FLNB: variants seen among roughly 807,000 people sequenced by gnomAD.
The protein encoded by FLNB is filamin B.
A neutral mutation model predicts 250.6 loss-of-function variants in FLNB; 111 were observed. That is an observed-to-expected ratio of 0.44 (90% CI 0.38 to 0.52). FLNB has a LOEUF of 0.52. Among genes scored for constraint, FLNB ranks in the 20% least tolerant of loss-of-function variants. The probability of loss-of-function intolerance (pLI) is 0.00; values close to 1 mark genes in which losing one functional copy is unlikely to be tolerated. For synonymous variants in FLNB, 1,302 were observed against 1,372.1 expected (o/e 0.95, Z 1.13); for missense variants, 2,869 against 3,447.8 (o/e 0.83, Z 4.20).
chr3:58,104,137 C>T (rs756897733), intron 10 of FLNB, 52 bp downstream of exon 10: 13 of 1,598,384 alleles, frequency 8.1e-6, no homozygotes, highest in East Asian at 6.8e-5. Context: ...CGGCCCAGGG[C>T]GGACTCATGG....
chr3:58,019,842 A>G (rs2097111099), intron 1 of FLNB, among the ~76,000 whole-genome samples: 1 of 152,200 alleles, frequency 6.6e-6, no homozygotes, highest in Non-Finnish European at 1.5e-5. Flanking sequence ...TTTTGGAGAC[A>G]TTGCTCCAGT....
chr3:58,027,449 C>CT (rs1169197071), intron 1 of FLNB, among the ~76,000 whole-genome samples: 1 of 151,874 alleles, frequency 6.6e-6, no homozygotes, highest in East Asian at 1.9e-4. Flanking sequence ...CCTCAGCTAA[C>CT]TTTTGTATTT....
At chr3:58,151,970 G>A (rs1055631110) in intron 38 of FLNB, among the ~76,000 whole-genome samples, 1 of 152,246 alleles carries the variant, frequency 6.6e-6, no homozygotes, top group African/African-American at 2.4e-5. Flanking sequence ...TCAGTGTTCA[G>A]TTTCATATCT....
chr3:58,093,596 C>A (rs911374566), intron 4 of FLNB, among the ~76,000 whole-genome samples: 1 of 150,824 alleles, frequency 6.6e-6, no homozygotes, highest in Non-Finnish European at 1.5e-5. Flanking sequence ...GGGGCAGAGA[C>A]CTATATATAT....
intron 42 of FLNB, chr3:58,162,939 A>G (rs1005894293): frequency 8.4e-6 from 5 of 596,868 alleles, no homozygotes; most frequent in Non-Finnish European, 1.2e-5. Flanking sequence ...CTGTGTTTAT[A>G]GGATTTGCAA....
intron 16 of FLNB, among the ~76,000 whole-genome samples, chr3:58,110,967 A>G (rs2097267647): frequency 6.6e-6 from 1 of 152,204 alleles, no homozygotes; most frequent in Non-Finnish European, 1.5e-5. Flanking sequence ...AAAAAAATTT[A>G]CCCAGAGCTA....
At chr3:58,154,049 C>T (rs1161111965) in intron 39 of FLNB, among the ~76,000 whole-genome samples, 1 of 152,154 alleles carries the variant, frequency 6.6e-6, no homozygotes. Context: ...ATGGAACATT[C>T]TCATCTTTCT....
intron 20 of FLNB, among the ~76,000 whole-genome samples, chr3:58,121,953 A>G (rs1343742016): frequency 2.7e-5 from 4 of 149,928 alleles, no homozygotes; most frequent in Non-Finnish European, 5.9e-5. Flanking sequence ...GCGGATCATG[A>G]GGTCAGGAGA....
At position 58,149,905 on chromosome 3, in the gene FLNB, G is replaced by A. The variant is rs146271686; in HGVS notation, c.6147G>A (p.Thr2049=). The change falls in exon 37 of 46, where the codon ACG becomes ACA. Residue 2049 remains threonine, a synonymous_variant. Coordinates refer to ENST00000295956, the MANE Select transcript of FLNB (RefSeq NM_001457.4). ...VEGPSKVDIQ[T]EDLEDGTCKV... ...GCCCCAGCAAAGTGGACATCCAGAC[G>A]GAGGACCTGGAAGATGGCACCTGCA... The A allele has an allele frequency of 7.0e-4, 1,134 of 1,614,236 alleles. 7 individuals carry two copies. The highest frequency in any genetic ancestry group is 1.2e-4 in the Non-Finnish European group (147 of 1,180,038).
At chr3:58,057,645 G>T (rs575572905) in intron 1 of FLNB, among the ~76,000 whole-genome samples, 1 of 152,170 alleles carries the variant, frequency 6.6e-6, no homozygotes, top group Non-Finnish European at 1.5e-5. Context: ...ATCCAATTGG[G>T]TTTTTATGAG....
intron 4 of FLNB, among the ~76,000 whole-genome samples, chr3:58,086,256 C>A (rs1014158875): frequency 6.6e-6 from 1 of 151,640 alleles, no homozygotes; most frequent in Non-Finnish European, 1.5e-5. Flanking sequence ...CTGCCTTGGC[C>A]CCCTCAAAGT....
intron 40 of FLNB, 108 bp downstream of exon 40, chr3:58,155,036 T>A: frequency 9.1e-7 from 1 of 1,095,466 alleles, no homozygotes; most frequent in Non-Finnish European, 1.4e-6. Flanking sequence ...AATCTATGTG[T>A]ATGGGCACAT....
chr3:58,155,873 C>T (rs1387819681), intron 40 of FLNB, 87 bp from the exon 41 acceptor site: 1 of 903,950 alleles, frequency 1.1e-6, no homozygotes, highest in Non-Finnish European at 1.8e-6. Flanking sequence ...CTGGGTCTCT[C>T]TGAAGGCATT....
rs1466620096 is a variant in FLNB, at chr3:58,098,894, T to C, written c.1331T>C (p.Val444Ala). 2 of 1,613,904 alleles carry C rather than the reference T, an allele frequency of 1.2e-6. No individual in the cohort carries two copies. The highest frequency in any genetic ancestry group is 2.7e-5 in the African/African-American group (2 of 74,910). ...ACTATTCCTAAGAGTCCCTTCGTTG[T>C]GCAGGTTGGGGAAGGTGAGTGCTGG... ...GDTIPKSPFV[V>A]QVGEACNPNA... is the part of the protein sequence containing the mutation. The change falls in exon 8 of 46, where the codon GTG (valine) becomes GCG (alanine). Residue 444 changes from valine to alanine, a missense_variant. Val to Ala is a moderately conservative substitution (Grantham distance 64). Coordinates refer to ENST00000295956, the MANE Select transcript of FLNB (RefSeq NM_001457.4).
In FLNB at chr3:58,141,893, A is replaced by T; in HGVS notation, c.5145A>T (p.Ala1715=). 1 of 1,614,140 alleles carries T rather than the reference A, an allele frequency of 6.2e-7. No individual in the cohort carries two copies. The highest frequency in any genetic ancestry group is 2.2e-5 in the East Asian group (1 of 44,890). The change falls in exon 30 of 46, where the codon GCA becomes GCT. Residue 1715 remains alanine, a synonymous_variant. Transcript: ENST00000295956. ...GGGAAGTCACAGCCGTGGAGGAGGC[A>T]CCGGTAAATGCATGTCCCCCTGGAT... ...TDGEVTAVEE[A]PVNACPPGFR... is the part of the protein sequence containing the mutation.
At chr3:58,158,635 T>C (rs1049885967) in intron 41 of FLNB, among the ~76,000 whole-genome samples, 2 of 152,266 alleles carry the variant, frequency 1.3e-5, no homozygotes, top group African/African-American at 4.8e-5. Flanking sequence ...AAAATGCTGC[T>C]GTTCAGGATT....
At chr3:58,156,655 G>A (rs543942191) in intron 41 of FLNB, among the ~76,000 whole-genome samples, 17 of 152,258 alleles carry the variant, frequency 1.1e-4, no homozygotes, top group African/African-American at 3.9e-4. Flanking sequence ...GCTAGTATGA[G>A]GCAGAACAGG....
chr3:58,150,119 G>T lies in FLNB; in HGVS notation c.6259G>T (p.Val2087Leu), dbSNP rs765294510. 1.2e-6 allele frequency: 2 copies of T among 1,614,244 alleles called. No homozygotes were observed. The highest frequency in any genetic ancestry group is 1.7e-6 in the Non-Finnish European group (2 of 1,180,048). Residue 2087 changes from valine (V) to leucine (L), a missense_variant, in exon 38 of 46, where the codon GTG becomes TTG. Physicochemically the swap from Val to Leu is conservative, Grantham distance 32. Transcript: ENST00000295956. The stretch of plus-strand genomic sequence containing the variant: ...GGGTCTTGCAGGGAGCCCATTTACC[G>T]TGAAGATCAGTGGGGAGGGAAGAGT... ...DEHVPGSPFT[V>L]KISGEGRVKE...
At chr3:58,099,724 G>C (rs1453792575) in intron 8 of FLNB, among the ~76,000 whole-genome samples, 1 of 152,184 alleles carries the variant, frequency 6.6e-6, no homozygotes, top group Non-Finnish European at 1.5e-5. Context: ...TGGGCCAGAG[G>C]CCTCTTGCTT....
Sources: gnomAD v4.1 joint callset for allele counts (sites outside exome capture counted in the v4.1 genomes callset) on GRCh38, gnomAD v4.1.1 for gene constraint, MANE v1.5 for transcripts, NCBI Gene and HGNC (gene_info 2026-07-23, HGNC 2026-07-21) for gene names.